The following BMAL2 variants were observed in gnomAD, a reference collection of about 807,000 sequenced individuals.
BMAL2 encodes basic helix-loop-helix ARNT-like protein 2.
the BMAL2 span, chr12:27,421,179 G>A: frequency 6.6e-6 from 1 of 152,190 alleles, no homozygotes; most frequent in Non-Finnish European, 1.5e-5. Flanking sequence ...AGTCAAAAGA[G>A]TTTCAGCTTT....
chr12:27,415,976 A>G, the BMAL2 span: 1 of 1,389,478 alleles, frequency 7.2e-7, no homozygotes, highest in Non-Finnish European at 1.0e-6. Flanking sequence ...GATAATATTC[A>G]TGAAATAAAT....
At chr12:27,396,063 G>C in the BMAL2 span, among the ~76,000 whole-genome samples, 1 of 152,202 alleles carries the variant, frequency 6.6e-6, no homozygotes, top group East Asian at 1.9e-4. Flanking sequence ...TTCGTAGTTA[G>C]AGCCTTTAAA....
chr12:27,392,252 T>G, the BMAL2 span, among the ~76,000 whole-genome samples: 1 of 152,162 alleles, frequency 6.6e-6, no homozygotes, highest in Non-Finnish European at 1.5e-5. Flanking sequence ...GTTACCAGGA[T>G]TAAATGAGTT....
the BMAL2 span, among the ~76,000 whole-genome samples, chr12:27,397,788 CA>C: frequency 6.6e-6 from 1 of 152,194 alleles, no homozygotes; most frequent in Non-Finnish European, 1.5e-5. Flanking sequence ...TGACTGCTAC[CA>C]AATGTCTTAA....
the BMAL2 span, among the ~76,000 whole-genome samples, chr12:27,391,317 T>C: frequency 6.6e-6 from 1 of 152,232 alleles, no homozygotes; most frequent in Non-Finnish European, 1.5e-5. Context: ...CTTGCATCAA[T>C]TCACTTAGGA....
the BMAL2 span, chr12:27,390,306 T>A: frequency 6.6e-7 from 1 of 1,504,042 alleles, no homozygotes; most frequent in Non-Finnish European, 9.1e-7. Flanking sequence ...ATATTTTCTG[T>A]ACAGAAAAAA....
chr12:27,348,136 GCCTGAGTC>G, the BMAL2 span, among the ~76,000 whole-genome samples: 1 of 152,192 alleles, frequency 6.6e-6, no homozygotes, highest in African/African-American at 2.4e-5. Flanking sequence ...CTAAGTGATT[GCCTGAGTC>G]CATTCTAACC....
the BMAL2 span, among the ~76,000 whole-genome samples, chr12:27,375,533 A>G: frequency 6.6e-6 from 1 of 152,206 alleles, no homozygotes; most frequent in Non-Finnish European, 1.5e-5. Flanking sequence ...CCCATGCACC[A>G]TGGCTAAGCT....
chr12:27,389,144 T>C, the BMAL2 span: 2 of 1,330,132 alleles, frequency 1.5e-6, no homozygotes, highest in African/African-American at 1.5e-5. Flanking sequence ...AAAAGCATGG[T>C]ACTGATTTTA....
the BMAL2 span, chr12:27,333,058 C>T: frequency 8.3e-7 from 1 of 1,201,382 alleles, no homozygotes; most frequent in Non-Finnish European, 1.0e-6. Context: ...CGGAGCCGAC[C>T]AAGTGGCTCC....
the BMAL2 span, chr12:27,390,225 A>G: frequency 2.5e-6 from 4 of 1,613,842 alleles, no homozygotes; most frequent in Non-Finnish European, 3.4e-6. Context: ...TGCTTACCCA[A>G]CTCAAAGAAG....
the BMAL2 span, among the ~76,000 whole-genome samples, chr12:27,350,357 C>CT: frequency 6.6e-6 from 1 of 152,186 alleles, no homozygotes; most frequent in Non-Finnish European, 1.5e-5. Context: ...TTGTGGAAGG[C>CT]TTTTTCTTAA....
chr12:27,359,106 C>T, the BMAL2 span, among the ~76,000 whole-genome samples: 1 of 152,156 alleles, frequency 6.6e-6, no homozygotes, highest in Non-Finnish European at 1.5e-5. Flanking sequence ...AAATCCTGTA[C>T]CACACAGTGC....
At chr12:27,346,949 G>A in the BMAL2 span, among the ~76,000 whole-genome samples, 1 of 152,046 alleles carries the variant, frequency 6.6e-6, no homozygotes, top group South Asian at 2.1e-4. Flanking sequence ...AAAGAGCCTG[G>A]TGCACCCTGC....
chr12:27,358,638 C>G, the BMAL2 span, among the ~76,000 whole-genome samples: 3 of 152,088 alleles, frequency 2.0e-5, no homozygotes, highest in Non-Finnish European at 4.4e-5. Flanking sequence ...ACTCCCTTCC[C>G]CCAAACAGAA....
the BMAL2 span, among the ~76,000 whole-genome samples, chr12:27,351,040 G>A: frequency 2.3e-5 from 3 of 133,110 alleles, no homozygotes; most frequent in African/African-American, 8.7e-5. Flanking sequence ...CCAGGCTGCA[G>A]TGCAGTGGCA....
At chr12:27,335,094 A>T in the BMAL2 span, among the ~76,000 whole-genome samples, 1 of 152,238 alleles carries the variant, frequency 6.6e-6, no homozygotes. Context: ...GGAGGAAAAA[A>T]TGTATATGTA....
At chr12:27,402,741 C>A in the BMAL2 span, 2 of 1,441,692 alleles carry the variant, frequency 1.4e-6, no homozygotes, top group South Asian at 1.2e-5. Context: ...CTATTACTAT[C>A]TTTTTCTGTC....
At chr12:27,363,402 T>C in the BMAL2 span, among the ~76,000 whole-genome samples, 14 of 152,210 alleles carry the variant, frequency 9.2e-5, no homozygotes, top group Non-Finnish European at 1.8e-4. Flanking sequence ...GCAAAAATGG[T>C]TTCCAAAGTG....
Sources: allele counts gnomAD v4.1 joint callset (sites outside exome capture counted in the v4.1 genomes callset), GRCh38; gene constraint gnomAD v4.1.1; transcripts MANE v1.5; gene names NCBI Gene and HGNC (gene_info 2026-07-23, HGNC 2026-07-21).